Variants in EXO1 observed in about 807,000 individuals in gnomAD.
EXO1 encodes the protein exonuclease 1.
In EXO1, 69 loss-of-function variants were observed where a neutral mutation model predicts 84.5. The ratio of observed to expected loss-of-function variants is 0.82; its 90% CI spans 0.67 to 1.00. The LOEUF (loss-of-function observed/expected upper bound fraction) is 1.00. Ranked by LOEUF, EXO1 falls within the 50% of genes least tolerant of loss-of-function variation. The pLI, the probability that EXO1 is intolerant of heterozygous loss-of-function variation, is 0.00. For synonymous variants in EXO1, 373 were observed against 366.1 expected (o/e 1.02, Z -0.21); for missense variants, 1,045 against 1,000.7 (o/e 1.04, Z -0.60).
rs563693384 is a variant in EXO1, at chr1:241,881,767, T to C, written c.2110-149T>C. On this transcript the variant is annotated intron_variant, in intron 13 of 15. Coordinates refer to ENST00000366548, the MANE Select transcript of EXO1 (RefSeq NM_130398.4). ...TAGCTTCTTCAATGAAATTGGCAAATATCATCCTTTCCATATTATTCATTT... is the reference window on the plus strand; with the variant it reads ...TAGCTTCTTCAATGAAATTGGCAAACATCATCCTTTCCATATTATTCATTT... 5.3e-5 allele frequency: 27 copies of C among 504,932 alleles called. No individual in the cohort carries two copies. In the East Asian group the frequency reaches 8.5e-4, roughly 16 times the overall value. The allele number at this position is 504,932 out of a possible 1,614,324, so 31.3% of individuals were successfully genotyped here. A position where few individuals can be genotyped will look rare whatever the true frequency, so the allele number is the denominator to read the frequency against.
Position 241,879,212 on chromosome 1 carries a change from A to T in EXO1, c.1978A>T (p.Ser660Cys). Residue 660 changes from serine (S) to cysteine (C), a missense_variant, in exon 13 of 16, where the codon AGT becomes TGT. Physicochemically the swap from Ser to Cys is moderately radical, Grantham distance 112. Transcript: ENST00000366548. The part of the protein sequence containing the change: ...DVSQLKSEES[S>C]DDESHPLREE... ...GTCGCAGTTAAAGAGCGAGGAGTCC[A>T]GTGACGATGAGTCTCATCCCTTACG... is the stretch of plus-strand genomic sequence containing the variant. 1 of 1,601,900 alleles carries T rather than the reference A, an allele frequency of 6.2e-7. No homozygotes were observed. The highest frequency in any genetic ancestry group is 8.5e-7 in the Non-Finnish European group (1 of 1,171,626).
chr1:241,866,314 A>G (rs1221165008), intron 10 of EXO1, among the ~76,000 whole-genome samples: 1 of 152,090 alleles, frequency 6.6e-6, no homozygotes, highest in East Asian at 1.9e-4. Flanking sequence ...GGGTTTCACC[A>G]TGTTGGCAAG....
chr1:241,873,291 T>C (rs1662217526), intron 12 of EXO1, among the ~76,000 whole-genome samples: 1 of 152,184 alleles, frequency 6.6e-6, no homozygotes, highest in African/African-American at 2.4e-5. Context: ...TGAATAAACA[T>C]TGAGTCTAGA....
In EXO1 at chr1:241,881,396, A is replaced by G. The variant is rs1409055645; in HGVS notation, c.2110-520A>G. The stretch of plus-strand genomic sequence containing the variant: ...TTATAAGGGAACTCTCCATCTATAG[A>G]GAAGTCTTATCTGATAGAATTGGGG... On this transcript the variant is annotated intron_variant, in intron 13 of 15. Transcript: ENST00000366548. Among the ~76,000 whole-genome samples the G allele has an allele frequency of 5.3e-5, 8 of 152,304 alleles. No homozygotes were observed. In the South Asian group the frequency reaches 1.5e-3, roughly 28 times the overall value.
At chr1:241,851,933 T>G (rs1482240438) in intron 4 of EXO1, among the ~76,000 whole-genome samples, 3 of 152,218 alleles carry the variant, frequency 2.0e-5, no homozygotes, top group Non-Finnish European at 2.9e-5. Context: ...TATTGTACTA[T>G]TCTTTCAACT....
intron 12 of EXO1, 67 bp downstream of exon 12, chr1:241,872,345 CT>C: frequency 6.5e-7 from 1 of 1,540,820 alleles, no homozygotes; most frequent in South Asian, 1.1e-5. Flanking sequence ...TTTATTTTGT[CT>C]TTTTTTAGAA....
intron 6 of EXO1, among the ~76,000 whole-genome samples, chr1:241,854,141 C>T (rs1378878991): frequency 2.0e-5 from 3 of 151,844 alleles, no homozygotes; most frequent in Non-Finnish European, 1.5e-5. Flanking sequence ...TTTTTTTGTT[C>T]GTTTGTTTGT....
intron 12 of EXO1, among the ~76,000 whole-genome samples, chr1:241,873,367 C>T (rs917491052): frequency 6.6e-6 from 1 of 152,194 alleles, no homozygotes; most frequent in Non-Finnish European, 1.5e-5. Context: ...TTAGTTCTGA[C>T]ATAAACCCCT....
At chr1:241,872,343 G>C in intron 12 of EXO1, 65 bp downstream of exon 12, 19 of 1,558,778 alleles carry the variant, frequency 1.2e-5, no homozygotes, top group Non-Finnish European at 1.6e-5. Flanking sequence ...TATTTATTTT[G>C]TCTTTTTTTA....
chr1:241,873,351 A>G (rs1419812260), intron 12 of EXO1, among the ~76,000 whole-genome samples: 1 of 152,148 alleles, frequency 6.6e-6, no homozygotes, highest in Non-Finnish European at 1.5e-5. Context: ...CTTATCATGT[A>G]TTGTCTTAGT....
intron 11 of EXO1, among the ~76,000 whole-genome samples, chr1:241,868,781 C>CT (rs1417183844): frequency 1.3e-5 from 2 of 152,158 alleles, no homozygotes; most frequent in Admixed American, 6.5e-5. Flanking sequence ...GTCTTTAATG[C>CT]TTTGTAGCTT....
At chr1:241,851,976 T>TG (rs1011774142) in intron 4 of EXO1, among the ~76,000 whole-genome samples, 4 of 152,170 alleles carry the variant, frequency 2.6e-5, no homozygotes, top group East Asian at 3.9e-4. Flanking sequence ...TAACATAAAA[T>TG]GGGGGGGAAA....
Position 241,861,473 on chromosome 1 carries a change from A to G in EXO1, c.1012A>G (p.Ile338Val). 1 of 1,590,452 alleles carries G rather than the reference A, an allele frequency of 6.3e-7. No homozygotes were observed. Among genetic ancestry groups the G allele is most frequent in the African/African-American group, 1.3e-5 (1 of 74,562 alleles). Residue 338 changes from isoleucine to valine, a missense_variant, in exon 10 of 16, where the codon ATC (isoleucine) becomes GTC (valine). Physicochemically the swap from Ile to Val is conservative, Grantham distance 29 (BLOSUM62 3). Transcript: ENST00000366548. ...TAAAGATATAAATACTTTTGAACAG[A>G]TCGATGACTACAATCCAGACACTGC... is the stretch of plus-strand genomic sequence containing the variant. ...GNKDINTFEQIDDYNPDTAMP... is the reference protein window; with the variant it reads ...GNKDINTFEQVDDYNPDTAMP...
In EXO1 at chr1:241,858,522, A is replaced by T. The variant is rs1431710437; in HGVS notation, c.560A>T (p.Asp187Val). ...CTTTTGAAGGTAATTTTAAAGATGG[A>T]CCAGTTTGGAAATGGACTTGAAATT... is the stretch of plus-strand genomic sequence containing the variant. The part of the protein sequence containing the change: ...FGCKKVILKM[D>V]QFGNGLEIDQ... Residue 187 changes from aspartate (D) to valine (V), a missense_variant, in exon 8 of 16, where the codon GAC becomes GTC. By Grantham distance (152) the Asp-to-Val change is radical (BLOSUM62 -3). Transcript: ENST00000366548. The T allele has an allele frequency of 1.9e-6, 3 of 1,613,636 alleles. No individual in the cohort carries two copies. The highest frequency in any genetic ancestry group is 2.5e-6 in the Non-Finnish European group (3 of 1,179,524).
At chr1:241,859,731 C>A (rs1253954189) in intron 8 of EXO1, among the ~76,000 whole-genome samples, 1 of 152,132 alleles carries the variant, frequency 6.6e-6, no homozygotes, top group African/African-American at 2.4e-5. Context: ...CATTTGATAC[C>A]ATGTATCATA....
upstream of EXO1, chr1:241,848,021 T>G (rs1397936991): frequency 6.6e-6 from 1 of 152,228 alleles, no homozygotes; most frequent in Non-Finnish European, 1.5e-5. This position sits in a 1 kb window ranked among gnomAD's most constrained non-coding sequence, Gnocchi z 4.2. Context: ...CGCACGGAGT[T>G]CGGGCCGGCA....
In EXO1 at chr1:241,866,986, G is replaced by A. The variant is rs1240430272; in HGVS notation, c.1198G>A (p.Glu400Lys). 2.5e-6 allele frequency: 4 copies of A among 1,613,930 alleles called. No individual in the cohort carries two copies. The highest frequency in any genetic ancestry group is 3.4e-6 in the Non-Finnish European group (4 of 1,179,956). ...GGAAAATCCAAGTACTGTGGGAGTG[G>A]AACGAGTGATTAGTACTAAAGGGTT... ...LKENPSTVGV[E>K]RVISTKGLNL... The change falls in exon 11 of 16, where the codon GAA becomes AAA. Residue 400 changes from glutamate to lysine, a missense_variant. Physicochemically the swap from Glu to Lys is moderately conservative, Grantham distance 56. Coordinates refer to ENST00000366548, the MANE Select transcript of EXO1 (RefSeq NM_130398.4).
In EXO1 at chr1:241,849,139, A is replaced by T. The variant is rs531712621; in HGVS notation, c.-95A>T. On this transcript the variant is annotated 5_prime_UTR_variant, in exon 3 of 16. Coordinates refer to ENST00000366548, the MANE Select transcript of EXO1 (RefSeq NM_130398.4). Reference sequence around the variant, plus strand: ...CTAGTGAATCCCAGTCACTGAGTGGAGTTGAGAGTCTAAGAACCTCTGAAA... The same window carrying T: ...CTAGTGAATCCCAGTCACTGAGTGGTGTTGAGAGTCTAAGAACCTCTGAAA... The T allele has an allele frequency of 6.6e-6, 1 of 152,320 alleles. No individual in the cohort carries two copies. The highest frequency in any genetic ancestry group is 2.1e-4 in the South Asian group (1 of 4,832). 9.4% of individuals were successfully genotyped at this position (152,320 alleles called of 1,614,324 possible).
chr1:241,866,531 C>CT (rs1050501399), intron 10 of EXO1, among the ~76,000 whole-genome samples: 8 of 132,790 alleles, frequency 6.0e-5, no homozygotes, highest in East Asian at 4.3e-4. Flanking sequence ...TACTTTTAAT[C>CT]TTTTTTTTCT....
Sources: allele counts gnomAD v4.1 joint callset (sites outside exome capture counted in the v4.1 genomes callset), GRCh38; gene constraint gnomAD v4.1.1; non-coding constraint Gnocchi (gnomAD v3.1); transcripts MANE v1.5; gene names NCBI Gene and HGNC (gene_info 2026-07-23, HGNC 2026-07-21).